The following CUX1 variants were observed in gnomAD, a reference collection of about 807,000 sequenced individuals.
CUX1 encodes cut like homeobox 1, also known as protein CASP.
CUX1 carries 31 observed loss-of-function variants against 158.8 expected under a neutral mutation model. The ratio of observed to expected loss-of-function variants is 0.20; its 90% CI spans 0.15 to 0.26. The LOEUF (loss-of-function observed/expected upper bound fraction) is 0.26. CUX1 is among the 10% of genes least tolerant of loss of function. CUX1 has a pLI of 1.00. For missense variants in CUX1, 1,589 were observed against 2,014.6 expected (o/e 0.79, Z 4.04); for synonymous variants, 879 against 862.1 (o/e 1.02, Z -0.34).
chr7:102,233,141 C>T (rs1039256930), intron 21 of CUX1, among the ~76,000 whole-genome samples: 15 of 150,958 alleles, frequency 9.9e-5, no homozygotes, highest in African/African-American at 3.6e-4. Flanking sequence ...CAGGTGTTAG[C>T]GTGACCTCAG....
intron 21 of CUX1, among the ~76,000 whole-genome samples, chr7:102,227,878 G>C (rs186112400): frequency 3.9e-5 from 6 of 152,090 alleles, no homozygotes; most frequent in Non-Finnish European, 7.4e-5. Context: ...GCACCCCCAC[G>C]GGGACCAGTT....
chr7:102,144,286 T>A (rs576192573), intron 8 of CUX1, among the ~76,000 whole-genome samples: 1 of 152,306 alleles, frequency 6.6e-6, no homozygotes, highest in African/African-American at 2.4e-5. Context: ...TGTGATGCTC[T>A]TCACTTTTTT....
At chr7:101,998,831 G>A (rs1221868456) in intron 2 of CUX1, among the ~76,000 whole-genome samples, 3 of 152,172 alleles carry the variant, frequency 2.0e-5, no homozygotes, top group Non-Finnish European at 2.9e-5. Flanking sequence ...CTCTCTCTTC[G>A]TCGCTTTCTT....
At chr7:102,283,045 C>T in exon 23 of CUX1, 1 of 1,613,416 alleles carries the variant, frequency 6.2e-7, no homozygotes, top group Non-Finnish European at 8.5e-7. Context: ...TGCACAAGTT[C>T]CACGAGAATG....
chr7:101,903,348 C>T (rs1476056675), intron 1 of CUX1, among the ~76,000 whole-genome samples: 11 of 152,068 alleles, frequency 7.2e-5, no homozygotes, highest in African/African-American at 2.2e-4. Flanking sequence ...CCCCAAGAAC[C>T]GTACCCTAGG....
chr7:102,254,529 T>A lies in CUX1; in HGVS notation c.*5487T>A. On this transcript the variant is annotated 3_prime_UTR_variant, in exon 24 of 24. Transcript: ENST00000292535. ...ACCGAAGAAAATCAGCTCCTGGGGC[T>A]GGTGGTTGGAGGTGGGTCTGTCCAC... The A allele has an allele frequency of 2.0e-6, 2 of 985,482 alleles. No individual in the cohort carries two copies. The highest frequency in any genetic ancestry group is 2.4e-6 in the Non-Finnish European group (2 of 829,984). 61.0% of individuals were successfully genotyped at this position (985,482 alleles called of 1,614,324 possible). A position where few individuals can be genotyped will look rare whatever the true frequency, so the allele number is the denominator to read the frequency against.
intron 10 of CUX1, among the ~76,000 whole-genome samples, chr7:102,176,072 C>A (rs1051781415): frequency 6.6e-6 from 1 of 152,194 alleles, no homozygotes; most frequent in Non-Finnish European, 1.5e-5. Flanking sequence ...CAGGGCCACG[C>A]GCACAGCTGT....
intron 23 of CUX1, among the ~76,000 whole-genome samples, chr7:102,245,121 C>T (rs1554536452): frequency 6.6e-6 from 1 of 152,226 alleles, no homozygotes; most frequent in African/African-American, 2.4e-5. Flanking sequence ...CAGCTCACCG[C>T]AGCCTTGAAC....
chr7:102,111,848 C>T, intron 7 of CUX1, 74 bp downstream of exon 7: 2 of 1,335,474 alleles, frequency 1.5e-6, no homozygotes, highest in Non-Finnish European at 2.1e-6. Context: ...CCCCTGACCG[C>T]CCCGGTCCCC....
intron 20 of CUX1, chr7:102,281,799 G>A (rs1554549319): frequency 2.2e-6 from 3 of 1,372,270 alleles, no homozygotes; most frequent in Admixed American, 1.7e-5. Context: ...AGGGGTGGGT[G>A]AGGCCGGCCC....
In CUX1 at chr7:102,258,207, A is replaced by T. The variant is rs1282711840; in HGVS notation, c.*9165A>T. 9 of 982,366 alleles carry T rather than the reference A, an allele frequency of 9.2e-6. No individual in the cohort carries two copies. Among genetic ancestry groups the T allele is most frequent in the Non-Finnish European group, 1.1e-5 (9 of 827,268 alleles). 60.9% of individuals were successfully genotyped at this position (982,366 alleles called of 1,614,324 possible). A position where few individuals can be genotyped will look rare whatever the true frequency, so the allele number is the denominator to read the frequency against. On this transcript the variant is annotated 3_prime_UTR_variant, in exon 24 of 24. Transcript: ENST00000292535. Reference sequence around the variant, plus strand: ...ACTAGCACCCTAGGTGTGATAATTGAAGTAAATATCTTTTATACAAACACA... The same window carrying T: ...ACTAGCACCCTAGGTGTGATAATTGTAGTAAATATCTTTTATACAAACACA...
chr7:101,992,557 G>A (rs561727340), intron 2 of CUX1, among the ~76,000 whole-genome samples: 15 of 152,122 alleles, frequency 9.9e-5, no homozygotes, highest in African/African-American at 3.6e-4. Context: ...GTGGGGGAGG[G>A]GTCAGTACAT....
intron 20 of CUX1, among the ~76,000 whole-genome samples, chr7:102,207,986 G>A (rs969517195): frequency 1.3e-5 from 2 of 151,916 alleles, no homozygotes; most frequent in East Asian, 1.9e-4. Context: ...TTAGGAGTTC[G>A]AGACCAGCCT....
At chr7:102,039,828 G>A (rs1299514467) in intron 3 of CUX1, among the ~76,000 whole-genome samples, 5 of 152,040 alleles carry the variant, frequency 3.3e-5, no homozygotes, top group African/African-American at 1.2e-4. Context: ...CTACAACCAC[G>A]ATCTGCATCG....
At chr7:102,181,919 A>C (rs868984449) in intron 11 of CUX1, among the ~76,000 whole-genome samples, 9 of 152,240 alleles carry the variant, frequency 5.9e-5, no homozygotes, top group African/African-American at 2.2e-4. Flanking sequence ...ATTTTTATGA[A>C]TAAGACTTGG....
chr7:101,991,758 C>CAA (rs34948858), intron 2 of CUX1, among the ~76,000 whole-genome samples: 6 of 115,922 alleles, frequency 5.2e-5, no homozygotes, highest in African/African-American at 9.8e-5. Context: ...GACTTCATCT[C>CAA]AAAAAAAAAA....
chr7:102,001,388 G>A (rs1816669529), intron 2 of CUX1, among the ~76,000 whole-genome samples: 1 of 152,202 alleles, frequency 6.6e-6, no homozygotes, highest in South Asian at 2.1e-4. Context: ...CTCTTGCCCA[G>A]GCTGGAGTGC....
intron 2 of CUX1, among the ~76,000 whole-genome samples, chr7:101,923,659 A>G (rs1033455276): frequency 6.6e-6 from 1 of 152,154 alleles, no homozygotes; most frequent in African/African-American, 2.4e-5. Context: ...GTTAATCCCA[A>G]CGATGCCTGG....
intron 3 of CUX1, among the ~76,000 whole-genome samples, chr7:102,036,771 A>AG (rs1821474738): frequency 6.6e-6 from 1 of 151,990 alleles, no homozygotes; most frequent in East Asian, 1.9e-4. Flanking sequence ...CAAAAAAAAA[A>AG]AAAAACACCG....
Sources: allele counts gnomAD v4.1 joint callset (sites outside exome capture counted in the v4.1 genomes callset), GRCh38; gene constraint gnomAD v4.1.1; transcripts MANE v1.5; gene names NCBI Gene and HGNC (gene_info 2026-07-23, HGNC 2026-07-21).